The following GRIK4 variants were observed in gnomAD, a reference collection of about 807,000 sequenced individuals.
The protein encoded by GRIK4 is glutamate ionotropic receptor kainate type subunit 4, also known as glutamate receptor ionotropic, kainate 4.
In GRIK4, 40 loss-of-function variants were observed where a neutral mutation model predicts 104.9. That is an observed-to-expected ratio of 0.38 (90% CI 0.30 to 0.50). The LOEUF (loss-of-function observed/expected upper bound fraction) is 0.50, where lower values mean the gene tolerates loss of function less well. Ranked by LOEUF, GRIK4 falls within the 20% of genes least tolerant of loss-of-function variation. The probability of loss-of-function intolerance (pLI) is 0.93; values close to 1 mark genes in which losing one functional copy is unlikely to be tolerated. For synonymous variants in GRIK4, 485 were observed against 524.9 expected (o/e 0.92, Z 1.04); for missense variants, 1,047 against 1,308.1 (o/e 0.80, Z 3.08).
At chr11:120,552,518 T>C (rs1044103007) in intron 1 of GRIK4, among the ~76,000 whole-genome samples, 1 of 152,192 alleles carries the variant, frequency 6.6e-6, no homozygotes, top group Non-Finnish European at 1.5e-5. Context: ...GTGACAACTT[T>C]ACTGCGTCTG....
At chr11:120,594,164 A>G (rs1948770830) in intron 1 of GRIK4, among the ~76,000 whole-genome samples, 1 of 152,236 alleles carries the variant, frequency 6.6e-6, no homozygotes, top group African/African-American at 2.4e-5. Context: ...CAAACCTTTC[A>G]GTAGCTATTC....
intron 12 of GRIK4, among the ~76,000 whole-genome samples, chr11:120,899,817 G>A (rs1451215067): frequency 6.6e-6 from 1 of 152,136 alleles, no homozygotes; most frequent in Non-Finnish European, 1.5e-5. Context: ...ATAGCCAGTG[G>A]AACCTCAATG....
intron 8 of GRIK4, among the ~76,000 whole-genome samples, chr11:120,846,256 T>C (rs923371064): frequency 2.6e-5 from 4 of 152,220 alleles, no homozygotes; most frequent in Non-Finnish European, 4.4e-5. Flanking sequence ...ATTAAGCAAT[T>C]TGCATATGGA....
intron 3 of GRIK4, among the ~76,000 whole-genome samples, chr11:120,662,886 G>C (rs760981420): frequency 7.2e-5 from 11 of 152,130 alleles, no homozygotes; most frequent in Non-Finnish European, 1.5e-4. Flanking sequence ...TTTGGAAAGA[G>C]GTGGCCGAAC....
At chr11:120,729,027 G>C (rs1951082020) in intron 3 of GRIK4, among the ~76,000 whole-genome samples, 1 of 152,130 alleles carries the variant, frequency 6.6e-6, no homozygotes, top group African/African-American at 2.4e-5. Flanking sequence ...TTGTCTTTCT[G>C]TGCCTGGTTT....
At chr11:120,565,969 G>A (rs929308412) in intron 1 of GRIK4, among the ~76,000 whole-genome samples, 1 of 152,170 alleles carries the variant, frequency 6.6e-6, no homozygotes, top group Admixed American at 6.5e-5. Flanking sequence ...GAAGGATGAT[G>A]CTATGTTTCC....
At chr11:120,646,717 G>A (rs909611043) in intron 1 of GRIK4, among the ~76,000 whole-genome samples, 1 of 152,210 alleles carries the variant, frequency 6.6e-6, no homozygotes, top group African/African-American at 2.4e-5. Flanking sequence ...CTGAGAGATA[G>A]GGAGTCAGAC....
Position 120,952,152 on chromosome 11 carries a change from G to A in GRIK4, c.1591-703G>A, listed in dbSNP as rs1237794528. ...TGTCTGGCTCACAGGACTCTGGCCA[G>A]ACTCATCCCTGGCCTTGCAACGTGT... On this transcript the variant is annotated intron_variant, in intron 14 of 20. Coordinates refer to ENST00000527524, the MANE Select transcript of GRIK4 (RefSeq NM_014619.5). This position sits in a 1 kb window ranked among gnomAD's most constrained non-coding sequence, Gnocchi z 5.2. Among the ~76,000 whole-genome samples the A allele has an allele frequency of 6.6e-6, 1 of 152,194 alleles. No individual in the cohort carries two copies. Among genetic ancestry groups the A allele is most frequent in the Non-Finnish European group, 1.5e-5 (1 of 68,044 alleles).
chr11:120,574,229 A>G (rs963254932), intron 1 of GRIK4, among the ~76,000 whole-genome samples: 1 of 152,116 alleles, frequency 6.6e-6, no homozygotes, highest in African/African-American at 2.4e-5. Flanking sequence ...TGCTGAATGT[A>G]TGGGGGACTG....
chr11:120,933,228 C>T (rs867534368), intron 13 of GRIK4, among the ~76,000 whole-genome samples: 2 of 152,210 alleles, frequency 1.3e-5, no homozygotes, highest in African/African-American at 2.4e-5. Context: ...GTGGGGGACG[C>T]GGTGACCAGT....
intron 6 of GRIK4, among the ~76,000 whole-genome samples, chr11:120,828,895 G>A (rs1361378331): frequency 2.0e-5 from 3 of 152,126 alleles, no homozygotes; most frequent in Non-Finnish European, 4.4e-5. Context: ...CATCTGGGGG[G>A]CTCTCTTTCC....
chr11:120,684,715 GC>G (rs1213231862), intron 3 of GRIK4, among the ~76,000 whole-genome samples: 1 of 135,432 alleles, frequency 7.4e-6, no homozygotes, highest in Non-Finnish European at 1.6e-5. Flanking sequence ...AAATAAAGAT[GC>G]TTTTTTTTTT....
chr11:120,685,794 CCTT>C (rs1301599037), intron 3 of GRIK4, among the ~76,000 whole-genome samples: 2 of 152,170 alleles, frequency 1.3e-5, no homozygotes, highest in East Asian at 3.8e-4. Flanking sequence ...CTTTCTCAGT[CCTT>C]CTCTTATTGC....
chr11:120,583,227 T>A (rs139199763), intron 1 of GRIK4, among the ~76,000 whole-genome samples: 151 of 152,344 alleles, frequency 9.9e-4, no homozygotes, highest in African/African-American at 3.5e-3. Flanking sequence ...TAATTTAAGT[T>A]CCTTATAGAT....
At chr11:120,933,400 ACCAGGC>A in intron 13 of GRIK4, among the ~76,000 whole-genome samples, 1 of 152,188 alleles carries the variant, frequency 6.6e-6, no homozygotes, top group African/African-American at 2.4e-5. Flanking sequence ...CTTACTTCAA[ACCAGGC>A]CCCATGCTCA....
intron 1 of GRIK4, among the ~76,000 whole-genome samples, chr11:120,608,049 C>T (rs945629328): frequency 1.3e-5 from 2 of 152,152 alleles, no homozygotes; most frequent in Non-Finnish European, 2.9e-5. Flanking sequence ...GGAATGTTTT[C>T]AGTCGTGTGG....
At chr11:120,841,881 C>T (rs927790818) in intron 8 of GRIK4, among the ~76,000 whole-genome samples, 7 of 152,098 alleles carry the variant, frequency 4.6e-5, no homozygotes, top group African/African-American at 1.4e-4. Flanking sequence ...AGCAAGACCA[C>T]GTGACTGAAG....
At chr11:120,938,853 G>T (rs987489796) in intron 13 of GRIK4, among the ~76,000 whole-genome samples, 2 of 152,218 alleles carry the variant, frequency 1.3e-5, no homozygotes, top group African/African-American at 2.4e-5. Context: ...TACAAATATA[G>T]ATTCCTGCGT....
chr11:120,643,766 C>T (rs1459652612), intron 1 of GRIK4, among the ~76,000 whole-genome samples: 3 of 152,116 alleles, frequency 2.0e-5, no homozygotes, highest in Non-Finnish European at 2.9e-5. Flanking sequence ...ACGAAGTGAC[C>T]GTGTGGAAGC....
Sources: gnomAD v4.1 joint callset for allele counts (sites outside exome capture counted in the v4.1 genomes callset) on GRCh38, gnomAD v4.1.1 for gene constraint, Gnocchi (gnomAD v3.1) non-coding constraint, MANE v1.5 for transcripts, NCBI Gene and HGNC (gene_info 2026-07-23, HGNC 2026-07-21) for gene names.